The following WASHC3 variants were observed in gnomAD, a reference collection of about 807,000 sequenced individuals.
WASHC3 encodes the protein WASH complex subunit 3, also known as WASH complex subunit CCDC53.
Under a neutral mutation model 26.1 loss-of-function variants are expected in WASHC3, and 24 were observed. That is an observed-to-expected ratio of 0.92 (90% CI 0.66 to 1.29). The LOEUF (loss-of-function observed/expected upper bound fraction) is 1.29, where lower values mean the gene tolerates loss of function less well. Ranked by LOEUF, WASHC3 falls within the 50% of genes most tolerant of loss-of-function variation. WASHC3 has a pLI of 0.00. For synonymous variants in WASHC3, 77 were observed against 75.7 expected, an observed-to-expected ratio of 1.02 and a Z score of -0.09; for missense variants, 214 against 229.6, an observed-to-expected ratio of 0.93 and a Z score of 0.44.
At chr12:102,058,753 G>T (rs1308997451) in intron 2 of WASHC3, among the ~76,000 whole-genome samples, 1 of 152,128 alleles carries the variant, frequency 6.6e-6, no homozygotes. Flanking sequence ...ATCTGTACTT[G>T]AAAGTTCACT....
rs75151193 is a variant in WASHC3, at chr12:102,027,134, G to A, written c.436-1096C>T. On this transcript the variant is annotated intron_variant, in intron 5 of 6. Transcript: ENST00000240079. Reference sequence around the variant, plus strand: ...ACACATTGAGGAATAATCAAATTAGGCTATTTAGCATATCTGTCACCTCAA... The same window carrying A: ...ACACATTGAGGAATAATCAAATTAGACTATTTAGCATATCTGTCACCTCAA... 2.0e-3 allele frequency among the ~76,000 whole-genome samples: 306 copies of A among 152,264 alleles called. 1 individual carries two copies. The highest frequency in any genetic ancestry group is 7.0e-3 in the African/African-American group (289 of 41,556).
In WASHC3 at chr12:102,061,984, C is replaced by A; in HGVS notation, c.-22G>T. 1.3e-6 allele frequency: 2 copies of A among 1,583,812 alleles called. No homozygotes were observed. The highest frequency in any genetic ancestry group is 1.7e-6 in the Non-Finnish European group (2 of 1,163,122). On this transcript the variant is annotated 5_prime_UTR_variant, in exon 1 of 7. Coordinates refer to ENST00000240079, the MANE Select transcript of WASHC3 (RefSeq NM_016053.4). ...CCATCTCCTCAGCGGGCGGTGGACC[C>A]CGAGTTCACCCACAAACCCCTCCCA...
chr12:102,045,875 T>C (rs1878140136), intron 3 of WASHC3, among the ~76,000 whole-genome samples, 179 bp downstream of exon 3: 1 of 152,232 alleles, frequency 6.6e-6, no homozygotes, highest in East Asian at 1.9e-4. Flanking sequence ...GAATTAATGG[T>C]TCATAATGAA....
chr12:102,058,747 G>C (rs1273712411), intron 2 of WASHC3, among the ~76,000 whole-genome samples: 2 of 152,226 alleles, frequency 1.3e-5, no homozygotes, highest in East Asian at 3.9e-4. Context: ...AGAGACATCT[G>C]TACTTGAAAG....
chr12:102,021,722 G>A (rs114631570), intron 6 of WASHC3, among the ~76,000 whole-genome samples: 2,095 of 152,102 alleles, frequency 0.014, 56 homozygotes, highest in African/African-American at 0.048. Context: ...ATCCTCAACC[G>A]GCCAAAACTC....
intron 6 of WASHC3, chr12:102,017,779 CTTCA>C (rs1876771844): frequency 6.9e-6 from 3 of 436,128 alleles, no homozygotes; most frequent in South Asian, 5.0e-5. Context: ...TATTGTCTGT[CTTCA>C]TTTTTTTCTT....
chr12:102,048,771 T>A (rs953811650), intron 2 of WASHC3, among the ~76,000 whole-genome samples: 3 of 152,160 alleles, frequency 2.0e-5, no homozygotes. Flanking sequence ...TAGTTTTAAA[T>A]TTTTTTAAGT....
At chr12:102,031,694 C>G (rs970693933) in intron 5 of WASHC3, among the ~76,000 whole-genome samples, 1 of 152,068 alleles carries the variant, frequency 6.6e-6, no homozygotes, top group Non-Finnish European at 1.5e-5. Flanking sequence ...CCCCATCCCA[C>G]AAACCTTCAT....
At chr12:102,044,034 C>T (rs1297725571) in intron 4 of WASHC3, 71 bp downstream of exon 4, 5 of 602,060 alleles carry the variant, frequency 8.3e-6, no homozygotes, top group Non-Finnish European at 1.1e-5. Flanking sequence ...TATTTTTCTT[C>T]CTTCCAACCT....
At chr12:102,057,377 AC>A (rs1321213710) in intron 2 of WASHC3, among the ~76,000 whole-genome samples, 2 of 152,156 alleles carry the variant, frequency 1.3e-5, no homozygotes, top group African/African-American at 4.8e-5. Context: ...ATTCACTCTT[AC>A]CCCTTCTATT....
intron 5 of WASHC3, among the ~76,000 whole-genome samples, chr12:102,036,704 G>A (rs568719227): frequency 1.3e-5 from 2 of 152,314 alleles, no homozygotes; most frequent in South Asian, 4.1e-4. Flanking sequence ...AGGAGGAGAT[G>A]CCAGGAAGAA....
At chr12:102,041,841 C>T (rs972875091) in intron 4 of WASHC3, among the ~76,000 whole-genome samples, 5 of 151,978 alleles carry the variant, frequency 3.3e-5, no homozygotes, top group African/African-American at 9.7e-5. Flanking sequence ...TAAATAAATA[C>T]ATATACAATT....
intron 6 of WASHC3, among the ~76,000 whole-genome samples, chr12:102,020,411 G>A (rs1440372860): frequency 1.3e-5 from 2 of 152,114 alleles, no homozygotes. Context: ...AAGCTAGTTT[G>A]AGTTGGTTTC....
intron 2 of WASHC3, among the ~76,000 whole-genome samples, chr12:102,046,518 C>T (rs1214429766): frequency 2.0e-5 from 3 of 152,206 alleles, no homozygotes; most frequent in East Asian, 1.9e-4. Flanking sequence ...TGGTCTTGAT[C>T]TCTTGACCTC....
At chr12:102,021,936 A>T (rs1876976252) in intron 6 of WASHC3, among the ~76,000 whole-genome samples, 1 of 152,200 alleles carries the variant, frequency 6.6e-6, no homozygotes, top group Non-Finnish European at 1.5e-5. Context: ...TATTTCTGGC[A>T]ACTATAAGAG....
Position 102,012,979 on chromosome 12 carries a change from A to C in WASHC3, c.*129T>G. 1 of 514,554 alleles carries C rather than the reference A, an allele frequency of 1.9e-6. No homozygotes were observed. Among genetic ancestry groups the C allele is most frequent in the Non-Finnish European group, 3.4e-6 (1 of 292,752 alleles). The allele number at this position is 514,554 out of a possible 1,614,324, so 31.9% of individuals were successfully genotyped here. On this transcript the variant is annotated 3_prime_UTR_variant, in exon 7 of 7. Coordinates refer to ENST00000240079, the MANE Select transcript of WASHC3 (RefSeq NM_016053.4). ...ACTGCTTTATTATTATTTTTTTAACATAGAAGAAGCTTGGTAGTGGACATG... is the reference window on the plus strand; with the variant it reads ...ACTGCTTTATTATTATTTTTTTAACCTAGAAGAAGCTTGGTAGTGGACATG...
rs751197817 is a variant in WASHC3, at chr12:102,061,260, T to C, written c.138A>G (p.Thr46=). 1 of 1,613,336 alleles carries C rather than the reference T, an allele frequency of 6.2e-7. No homozygotes were observed. Among genetic ancestry groups the C allele is most frequent in the East Asian group, 2.2e-5 (1 of 44,876 alleles). The change falls in exon 2 of 7, where the codon ACA becomes ACG. Residue 46 remains threonine, a synonymous_variant. Transcript: ENST00000240079. ...TCACCGGACCTACCTCCTCACAAAC[T>C]GTAGAAAAGCGGTTGAGGAACTGTA... ...HTVQFLNRFS[T]VCEEKLADLS...
intron 5 of WASHC3, among the ~76,000 whole-genome samples, chr12:102,038,693 GT>G (rs1877785373): frequency 2.0e-5 from 3 of 151,840 alleles, no homozygotes; most frequent in Non-Finnish European, 4.4e-5. Context: ...CCAAAGTCTG[GT>G]TTATTTTTTT....
chr12:102,035,714 G>A (rs1877626490), intron 5 of WASHC3, among the ~76,000 whole-genome samples: 1 of 152,198 alleles, frequency 6.6e-6, no homozygotes, highest in Admixed American at 6.5e-5. Context: ...TGGGTAAGGT[G>A]TTAAAATGAA....
Sources: gnomAD v4.1 joint callset for allele counts (sites outside exome capture counted in the v4.1 genomes callset) on GRCh38, gnomAD v4.1.1 for gene constraint, MANE v1.5 for transcripts, NCBI Gene and HGNC (gene_info 2026-07-23, HGNC 2026-07-21) for gene names.